The following CCDC141 variants were observed in gnomAD, a reference collection of about 807,000 sequenced individuals.
The protein encoded by CCDC141 is coiled-coil domain containing 141.
A neutral mutation model predicts 181.0 loss-of-function variants in CCDC141; 168 were observed. The ratio of observed to expected loss-of-function variants is 0.93; its 90% CI spans 0.82 to 1.05. The LOEUF is 1.05. CCDC141 is among the 50% of genes least tolerant of loss of function. CCDC141 has a pLI of 0.00. For synonymous variants in CCDC141, 666 were observed against 642.3 expected, an observed-to-expected ratio of 1.04 and a Z score of -0.56; for missense variants, 1,902 against 1,788.5, an observed-to-expected ratio of 1.06 and a Z score of -1.14.
chr2:178,970,991 C>T lies in CCDC141; in HGVS notation c.526+4066G>A, dbSNP rs570148481. On this transcript the variant is annotated intron_variant, in intron 4 of 23. Transcript: ENST00000443758. ...TCGGGAGGCTGAGGCGGGCAGATCACGAAGTCAGGAGTTTGAGACCAGCCT... is the reference window on the plus strand; with the variant it reads ...TCGGGAGGCTGAGGCGGGCAGATCATGAAGTCAGGAGTTTGAGACCAGCCT... Among the ~76,000 whole-genome samples, 10 of 152,234 alleles carry T rather than the reference C, an allele frequency of 6.6e-5. No homozygotes were observed. The South Asian group carries it at 1.7e-3, about 25-fold the overall frequency.
intron 2 of CCDC141, among the ~76,000 whole-genome samples, chr2:179,031,472 T>G (rs1473725217): frequency 1.3e-5 from 2 of 152,076 alleles, no homozygotes; most frequent in Non-Finnish European, 2.9e-5. Flanking sequence ...GTTTACTATT[T>G]TCAATTTCAT....
intron 22 of CCDC141, among the ~76,000 whole-genome samples, chr2:178,845,248 A>T (rs948263308): frequency 6.6e-6 from 1 of 152,204 alleles, no homozygotes. Flanking sequence ...ATGGCTTGGC[A>T]ATATGATAAA....
chr2:178,869,582 A>G (rs531023112), intron 14 of CCDC141, among the ~76,000 whole-genome samples: 1 of 152,384 alleles, frequency 6.6e-6, no homozygotes, highest in South Asian at 2.1e-4. Flanking sequence ...TTTCTATGGC[A>G]TACCAAATAT....
chr2:178,965,947 C>T (rs568023015), intron 4 of CCDC141, among the ~76,000 whole-genome samples: 172 of 152,250 alleles, frequency 1.1e-3, no homozygotes, highest in Admixed American at 2.0e-3. Flanking sequence ...TAGGGGCGTC[C>T]GCCATTGCTG....
chr2:178,899,306 C>T (rs1687568359), intron 8 of CCDC141, among the ~76,000 whole-genome samples: 1 of 152,148 alleles, frequency 6.6e-6, no homozygotes, highest in African/African-American at 2.4e-5. Context: ...ATGATGTTCA[C>T]ATGACAGCAG....
rs747555213 is a variant in CCDC141, at chr2:178,884,928, G to T, written c.1692C>A (p.Tyr564Ter). The change falls in exon 11 of 24, where the codon TAC (tyrosine) becomes TAA (stop). Residue 564 changes from tyrosine (Y) to a stop codon, truncating the protein, a stop_gained. Transcript: ENST00000443758. LOFTEE classifies it high-confidence loss of function. The part of the protein sequence containing the change: ...IDYRSQVLQT[Y>*]VAFLKSSEEV... Reference sequence around the variant, plus strand: ...CCTCTGATGACTTCAGAAATGCCACGTAAGTTTGCAGGACTTGCGATCTAT... The same window carrying T: ...CCTCTGATGACTTCAGAAATGCCACTTAAGTTTGCAGGACTTGCGATCTAT... 8.4e-6 allele frequency: 13 copies of T among 1,550,240 alleles called. No individual in the cohort carries two copies. The South Asian group carries it at 1.5e-4, about 18-fold the overall frequency.
chr2:178,914,962 C>T (rs2154374137), intron 7 of CCDC141, among the ~76,000 whole-genome samples: 1 of 152,150 alleles, frequency 6.6e-6, no homozygotes, highest in African/African-American at 2.4e-5. Context: ...GAGGGTGGAT[C>T]CCTTGAGCCC....
intron 2 of CCDC141, among the ~76,000 whole-genome samples, chr2:179,011,108 A>C (rs749306781): frequency 4.0e-5 from 6 of 151,624 alleles, no homozygotes; most frequent in Non-Finnish European, 7.4e-5. Context: ...CAGTGAGCCG[A>C]GATCACACCA....
chr2:178,923,115 T>C (rs1222198897), intron 6 of CCDC141, among the ~76,000 whole-genome samples: 1 of 150,768 alleles, frequency 6.6e-6, no homozygotes, highest in Non-Finnish European at 1.5e-5. Context: ...TTTTCTTTTT[T>C]TTTTTTTGAG....
chr2:178,920,375 G>T (rs908570505), intron 6 of CCDC141, among the ~76,000 whole-genome samples: 3 of 152,044 alleles, frequency 2.0e-5, no homozygotes, highest in African/African-American at 7.3e-5. Context: ...AACTACTATG[G>T]TACTACTATG....
At chr2:178,871,351 T>G in intron 14 of CCDC141, 76 bp downstream of exon 14, 1 of 1,475,914 alleles carries the variant, frequency 6.8e-7, no homozygotes, top group South Asian at 1.3e-5. Flanking sequence ...CCTGTTACAA[T>G]TAATCAGGTA....
At chr2:179,041,500 T>G (rs1299057088) in intron 2 of CCDC141, among the ~76,000 whole-genome samples, 7 of 142,376 alleles carry the variant, frequency 4.9e-5, no homozygotes, top group East Asian at 2.0e-4. Flanking sequence ...GGTTTTTTTT[T>G]TTTTTTTTTT....
chr2:179,015,706 ATCTCATACATATC>A (rs1183546292), intron 2 of CCDC141, among the ~76,000 whole-genome samples: 8 of 141,316 alleles, frequency 5.7e-5, no homozygotes, highest in Non-Finnish European at 9.1e-5. Context: ...TCATATATAT[ATCTCATACATATC>A]TCATATATAT....
At chr2:178,978,816 G>A (rs936370199) in intron 2 of CCDC141, 141 bp from the exon 3 acceptor site, 2 of 669,802 alleles carry the variant, frequency 3.0e-6, no homozygotes, top group East Asian at 6.3e-5. Context: ...ATGCAAGAAG[G>A]TGTATCAAAC....
chr2:178,961,211 C>T lies in CCDC141; in HGVS notation c.780+19G>A. On this transcript the variant is annotated intron_variant, in intron 5 of 23. Coordinates refer to ENST00000443758, the MANE Select transcript of CCDC141 (RefSeq NM_173648.4). Reference sequence around the variant, plus strand: ...AATCAGCTGAGGCTGGAACATCATCCAATGCCCCTTTGGGTTACCTGGTTT... The same window carrying T: ...AATCAGCTGAGGCTGGAACATCATCTAATGCCCCTTTGGGTTACCTGGTTT... The T allele has an allele frequency of 6.5e-7, 1 of 1,548,584 alleles. No homozygotes were observed. The highest frequency in any genetic ancestry group is 8.7e-7 in the Non-Finnish European group (1 of 1,145,526).
In CCDC141 at chr2:178,918,754, A is replaced by T. The variant is rs918788929; in HGVS notation, c.1051T>A (p.Trp351Arg). ...FGQLMVERNT[W>R]LKKANEFFNS... The stretch of plus-strand genomic sequence containing the variant: ...AAAAATTCATTCGCCTTCTTTAACC[A>T]GGTATTCCTTTCCACCATGAGTTGA... Residue 351 changes from tryptophan (W) to arginine (R), a missense_variant, in exon 7 of 24, where the codon TGG (tryptophan) becomes AGG (arginine). Transcript: ENST00000443758. 23 of 1,550,424 alleles carry T rather than the reference A, an allele frequency of 1.5e-5. No homozygotes were observed. In the Admixed American group the frequency reaches 2.0e-4, roughly 13 times the overall value.
chr2:178,948,615 A>T (rs1278213923), intron 5 of CCDC141, among the ~76,000 whole-genome samples: 1 of 152,136 alleles, frequency 6.6e-6, no homozygotes, highest in African/African-American at 2.4e-5. Context: ...TGGAGATGGC[A>T]TCTAATGGAA....
At chr2:178,930,048 C>G (rs1689042404) in intron 6 of CCDC141, among the ~76,000 whole-genome samples, 4 of 151,970 alleles carry the variant, frequency 2.6e-5, no homozygotes, top group Admixed American at 2.6e-4. Context: ...TATGATCGTA[C>G]ATGCAGAAAA....
chr2:179,009,019 T>C (rs970409094), intron 2 of CCDC141, among the ~76,000 whole-genome samples: 3 of 152,198 alleles, frequency 2.0e-5, no homozygotes, highest in Admixed American at 6.5e-5. Flanking sequence ...CCAATCTTTT[T>C]ATCCCTAGCA....
Sources: allele counts gnomAD v4.1 joint callset (sites outside exome capture counted in the v4.1 genomes callset), GRCh38; gene constraint gnomAD v4.1.1; transcripts MANE v1.5; gene names NCBI Gene and HGNC (gene_info 2026-07-23, HGNC 2026-07-21).